The following RNF115 variants were observed in gnomAD, a reference collection of about 807,000 sequenced individuals.
RNF115 encodes the protein ring finger protein 115.
A neutral mutation model predicts 39.2 loss-of-function variants in RNF115; 31 were observed. That is an observed-to-expected ratio of 0.79 (90% CI 0.59 to 1.07). RNF115 has a LOEUF of 1.07. RNF115 is among the 50% of genes least tolerant of loss of function. The probability of loss-of-function intolerance (pLI) is 0.00; values close to 1 mark genes in which losing one functional copy is unlikely to be tolerated. For synonymous variants in RNF115, 124 were observed against 131.0 expected (o/e 0.95, Z 0.37); for missense variants, 384 against 381.7 (o/e 1.01, Z -0.05).
intron 1 of RNF115, among the ~76,000 whole-genome samples, chr1:145,799,631 G>A (rs1649141707): frequency 1.3e-5 from 2 of 151,618 alleles, no homozygotes; most frequent in South Asian, 4.2e-4. Flanking sequence ...AGGGTGGGAA[G>A]GGTCTTGCTC....
At chr1:145,794,111 T>G (rs1381944763) in intron 1 of RNF115, among the ~76,000 whole-genome samples, 1 of 152,222 alleles carries the variant, frequency 6.6e-6, no homozygotes, top group Non-Finnish European at 1.5e-5. Context: ...CCCAAAGTGC[T>G]GGAATTACAG....
In RNF115 at chr1:145,771,911, GC is replaced by G. The variant is rs1647660589; in HGVS notation, c.227del (p.Gly76AlafsTer16). ...GAAAAAACATCGTGTGATCCAAATG[GC>G]CCCAAAGCTAGTAAAGACCAGAAAT... ...TTTTHFAELW[G>X]HLDHTMFFQD... On this transcript the variant is annotated frameshift_variant, in exon 4 of 9. Transcript: ENST00000582693. LOFTEE classifies it high-confidence loss of function. 6.2e-7 allele frequency: 1 copy of G among 1,612,988 alleles called. No homozygotes were observed.
intron 1 of RNF115, among the ~76,000 whole-genome samples, chr1:145,819,751 A>G (rs1362828929): frequency 5.9e-5 from 9 of 152,140 alleles, no homozygotes; most frequent in African/African-American, 1.9e-4. Flanking sequence ...TTAAAAAGCT[A>G]ATGCAGGCCA....
intron 8 of RNF115, among the ~76,000 whole-genome samples, chr1:145,747,527 T>C (rs1313692286): frequency 2.0e-5 from 3 of 152,086 alleles, no homozygotes; most frequent in Non-Finnish European, 4.4e-5. Context: ...CCTGTAATCC[T>C]AGCTACTCTG....
chr1:145,780,227 C>T (rs1300483958), intron 3 of RNF115, among the ~76,000 whole-genome samples: 1 of 143,290 alleles, frequency 7.0e-6, no homozygotes, highest in African/African-American at 2.6e-5. Context: ...GACCCCGTCT[C>T]AAAAAAACAA....
At chr1:145,784,642 C>A in intron 2 of RNF115, 46 bp from the exon 3 acceptor site, 1 of 1,557,936 alleles carries the variant, frequency 6.4e-7, no homozygotes, top group East Asian at 2.2e-5. Flanking sequence ...CAGGAACAAG[C>A]TCCCCTCCCA....
Position 145,739,941 on chromosome 1 carries a change from G to T in RNF115, c.*6925C>A, listed in dbSNP as rs587741846. On this transcript the variant is annotated 3_prime_UTR_variant, in exon 9 of 9. Transcript: ENST00000582693. Reference sequence around the variant, plus strand: ...TCTGTAAAAAGGGATATTGCCTATTGTATCTTCTCTTTCCACAGAATTGTT... The same window carrying T: ...TCTGTAAAAAGGGATATTGCCTATTTTATCTTCTCTTTCCACAGAATTGTT... The T allele has an allele frequency of 1.7e-4, 26 of 152,258 alleles. No individual in the cohort carries two copies. The highest frequency in any genetic ancestry group is 6.3e-4 in the African/African-American group (26 of 41,564). 9.4% of individuals were successfully genotyped at this position (152,258 alleles called of 1,614,324 possible).
chr1:145,792,590 T>C (rs1648726611), intron 1 of RNF115, among the ~76,000 whole-genome samples: 1 of 152,184 alleles, frequency 6.6e-6, no homozygotes, highest in Non-Finnish European at 1.5e-5. Flanking sequence ...ATAATTGCTA[T>C]AACCAATGAA....
Position 145,748,079 on chromosome 1 carries a change from T to C in RNF115, c.699A>G (p.Glu233=). The C allele has an allele frequency of 6.2e-7, 1 of 1,613,546 alleles. No homozygotes were observed. Among genetic ancestry groups the C allele is most frequent in the East Asian group, 2.2e-5 (1 of 44,870 alleles). The change falls in exon 8 of 9, where the codon GAA becomes GAG. Residue 233 remains glutamate, a synonymous_variant. Coordinates refer to ENST00000582693, the MANE Select transcript of RNF115 (RefSeq NM_014455.4). ...DMGLECPVCK[E]DYTVEEEVRQ... ...GGACTTCCTCTTCAACTGTGTAATC[T>C]TCTTTGCATACTGGACACTCTAAAC...
chr1:145,810,596 G>A (rs1366007616), intron 1 of RNF115, among the ~76,000 whole-genome samples: 4 of 87,728 alleles, frequency 4.6e-5, no homozygotes, highest in Non-Finnish European at 9.2e-5. Flanking sequence ...CCATGGCACA[G>A]GTTTGCCTAC....
chr1:145,751,706 G>T (rs1658096277), intron 5 of RNF115, among the ~76,000 whole-genome samples, 196 bp from the exon 6 acceptor site: 1 of 152,150 alleles, frequency 6.6e-6, no homozygotes, highest in Non-Finnish European at 1.5e-5. Context: ...CATTCTCTAA[G>T]AATTTTACTT....
At chr1:145,758,031 T>C (rs1220398182) in intron 4 of RNF115, among the ~76,000 whole-genome samples, 1 of 152,184 alleles carries the variant, frequency 6.6e-6, no homozygotes, top group Non-Finnish European at 1.5e-5. Flanking sequence ...AATTTGTGGC[T>C]AGAGGGCAAA....
At chr1:145,787,071 C>G (rs1553718176) in intron 2 of RNF115, 2 of 1,264,738 alleles carry the variant, frequency 1.6e-6, no homozygotes, top group Non-Finnish European at 2.1e-6. Context: ...ATTCTGCCAA[C>G]AGTAACAGTA....
chr1:145,819,554 C>T (rs1329570050), intron 1 of RNF115, among the ~76,000 whole-genome samples: 1 of 152,154 alleles, frequency 6.6e-6, no homozygotes, highest in African/African-American at 2.4e-5. Context: ...TTGTACCAAT[C>T]CTACTGAAAT....
At chr1:145,748,285 G>A (rs907649451) in intron 7 of RNF115, among the ~76,000 whole-genome samples, 175 bp from the exon 8 acceptor site, 16 of 152,112 alleles carry the variant, frequency 1.1e-4, no homozygotes, top group African/African-American at 3.9e-4. Context: ...CAAAATGAGG[G>A]TAAAGGTGGT....
chr1:145,750,969 C>T (rs587717030), intron 6 of RNF115, among the ~76,000 whole-genome samples: 6 of 152,248 alleles, frequency 3.9e-5, no homozygotes, highest in South Asian at 2.1e-4. Flanking sequence ...AAATCCACAA[C>T]GGAAATGAAA....
intron 3 of RNF115, among the ~76,000 whole-genome samples, chr1:145,776,509 G>A (rs1376353736): frequency 3.3e-5 from 5 of 152,094 alleles, no homozygotes; most frequent in Admixed American, 6.6e-5. Context: ...TATATAAGCT[G>A]AAGAACAAAG....
chr1:145,783,800 C>T (rs1170891167), intron 3 of RNF115, among the ~76,000 whole-genome samples: 2 of 150,914 alleles, frequency 1.3e-5, no homozygotes, highest in African/African-American at 4.9e-5. Context: ...CTGAATTATA[C>T]ACTTAAGAAC....
intron 1 of RNF115, among the ~76,000 whole-genome samples, chr1:145,812,170 G>C: frequency 6.8e-6 from 1 of 148,086 alleles, no homozygotes; most frequent in East Asian, 1.9e-4. Context: ...TTCTAAGCAT[G>C]GTGAAAGGTA....
Sources: gnomAD v4.1 joint callset for allele counts (sites outside exome capture counted in the v4.1 genomes callset) on GRCh38, gnomAD v4.1.1 for gene constraint, MANE v1.5 for transcripts, NCBI Gene and HGNC (gene_info 2026-07-23, HGNC 2026-07-21) for gene names.